AFAP1L2: variants seen among roughly 807,000 people sequenced by gnomAD.
AFAP1L2 encodes actin filament associated protein 1 like 2.
In AFAP1L2, 46 loss-of-function variants were observed where a neutral mutation model predicts 99.3. That is an observed-to-expected ratio of 0.46 (90% CI 0.37 to 0.59). The LOEUF is 0.59. AFAP1L2 is among the 20% of genes least tolerant of loss of function. AFAP1L2 has a pLI of 0.00. For synonymous variants in AFAP1L2, 397 were observed against 419.1 expected, an observed-to-expected ratio of 0.95 and a Z score of 0.64; for missense variants, 959 against 1,034.9, an observed-to-expected ratio of 0.93 and a Z score of 1.01.
intron 18 of AFAP1L2, 146 bp from the exon 19 acceptor site, chr10:114,296,214 C>A: frequency 8.9e-7 from 1 of 1,119,322 alleles, no homozygotes; most frequent in South Asian, 1.4e-5. Context: ...CCTGTGTGTT[C>A]ATCACTGCTT....
chr10:114,344,589 G>A (rs1190249842), intron 1 of AFAP1L2, among the ~76,000 whole-genome samples: 1 of 152,192 alleles, frequency 6.6e-6, no homozygotes, highest in Non-Finnish European at 1.5e-5. Context: ...GCTGGGCCTG[G>A]CCCTGGGGAA....
chr10:114,314,424 T>C (rs963025334), intron 6 of AFAP1L2, among the ~76,000 whole-genome samples: 2 of 152,216 alleles, frequency 1.3e-5, no homozygotes, highest in Non-Finnish European at 2.9e-5. Flanking sequence ...CACCTCTCTG[T>C]ATTGCTTGCT....
At chr10:114,281,732 G>A in the AFAP1L2 span, 5 of 985,388 alleles carry the variant, frequency 5.1e-6, no homozygotes, top group Non-Finnish European at 6.0e-6. Context: ...CGGGAGGCCT[G>A]GAGCCTTGCT....
At chr10:114,315,786 G>T in intron 5 of AFAP1L2, 21 bp from the exon 6 acceptor site, 1 of 1,596,016 alleles carries the variant, frequency 6.3e-7, no homozygotes, top group Non-Finnish European at 8.5e-7. Context: ...GACCAGCTCG[G>T]TCAGGGCCCC....
intron 2 of AFAP1L2, among the ~76,000 whole-genome samples, chr10:114,336,176 G>T (rs1290502317): frequency 6.6e-6 from 1 of 152,206 alleles, no homozygotes; most frequent in Non-Finnish European, 1.5e-5. Flanking sequence ...ATTCTCAGAG[G>T]GTTGTTAATC....
intron 1 of AFAP1L2, chr10:114,363,246 T>C: frequency 1.1e-6 from 1 of 898,150 alleles, no homozygotes; most frequent in Non-Finnish European, 1.3e-6. Flanking sequence ...TCTTGGATGG[T>C]CCTTGAGCCC....
chr10:114,287,894 T>C, the AFAP1L2 span, among the ~76,000 whole-genome samples: 3 of 152,266 alleles, frequency 2.0e-5, no homozygotes, highest in South Asian at 6.2e-4. Flanking sequence ...ACCTAATGTC[T>C]TTTTTGTGTT....
chr10:114,344,996 C>T (rs1198226653), intron 1 of AFAP1L2, among the ~76,000 whole-genome samples: 2 of 151,442 alleles, frequency 1.3e-5, no homozygotes, highest in Non-Finnish European at 2.9e-5. Flanking sequence ...ACCCGGGGGG[C>T]TGAGGCAGGA....
intron 1 of AFAP1L2, among the ~76,000 whole-genome samples, chr10:114,350,151 G>A (rs2050241186): frequency 6.6e-6 from 1 of 152,178 alleles, no homozygotes; most frequent in Admixed American, 6.5e-5. Context: ...TTCTCAGACA[G>A]GGCCTTTGAA....
chr10:114,368,774 AC>A (rs2053653947), intron 1 of AFAP1L2, among the ~76,000 whole-genome samples: 1 of 30,976 alleles, frequency 3.2e-5, no homozygotes, highest in South Asian at 1.6e-3. Context: ...TACAACACAC[AC>A]ACACACACAC....
At position 114,360,504 on chromosome 10, in the gene AFAP1L2, GA is replaced by G. The variant is rs1424945423; in HGVS notation, c.17-19774del. On this transcript the variant is annotated intron_variant, in intron 1 of 18. Coordinates refer to ENST00000304129, the MANE Select transcript of AFAP1L2 (RefSeq NM_001001936.3). ...CAATATCTAGATAGATAGATAGATA[GA>G]TAGTTAGATAGATAGATAGATAGAT... Among the ~76,000 whole-genome samples the G allele has an allele frequency of 3.0e-3, 374 of 123,552 alleles. 3 individuals carry two copies. Among genetic ancestry groups the G allele is most frequent in the African/African-American group, 0.012 (340 of 28,728 alleles). The allele number at this position is 123,552 out of a possible 152,430, so 81.1% of individuals were successfully genotyped here. A position where few individuals can be genotyped will look rare whatever the true frequency, so the allele number is the denominator to read the frequency against.
intron 1 of AFAP1L2, among the ~76,000 whole-genome samples, chr10:114,354,343 C>A (rs1485287760): frequency 6.6e-6 from 1 of 152,156 alleles, no homozygotes; most frequent in Non-Finnish European, 1.5e-5. Flanking sequence ...GGACAAGAAC[C>A]AATAATCAGG....
chr10:114,291,233 C>CCTGA, downstream of AFAP1L2: 1 of 1,550,398 alleles, frequency 6.4e-7, no homozygotes, highest in Non-Finnish European at 8.7e-7. Context: ...TTGAGACGCC[C>CCTGA]CTGAGGCACA....
intron 1 of AFAP1L2, among the ~76,000 whole-genome samples, chr10:114,396,279 C>A (rs1034667731): frequency 5.3e-5 from 8 of 152,108 alleles, no homozygotes; most frequent in Admixed American, 5.2e-4. Flanking sequence ...GAAGAACAGG[C>A]AAATTCAACA....
chr10:114,383,037 A>G (rs1383200132), intron 1 of AFAP1L2, among the ~76,000 whole-genome samples: 1 of 152,190 alleles, frequency 6.6e-6, no homozygotes, highest in African/African-American at 2.4e-5. Context: ...AAACACTCAC[A>G]TGTACTCCAT....
the AFAP1L2 span, chr10:114,289,103 T>C: frequency 6.2e-7 from 1 of 1,614,080 alleles, no homozygotes; most frequent in Non-Finnish European, 8.5e-7. Context: ...GGCAGCCAGG[T>C]GCAGACTGCC....
At chr10:114,284,539 G>A in the AFAP1L2 span, among the ~76,000 whole-genome samples, 2 of 152,174 alleles carry the variant, frequency 1.3e-5, no homozygotes, top group Admixed American at 6.5e-5. Flanking sequence ...CATTGGCACC[G>A]CAGCTCTCTC....
chr10:114,395,406 A>C (rs2057588918), intron 1 of AFAP1L2, among the ~76,000 whole-genome samples: 1 of 152,226 alleles, frequency 6.6e-6, no homozygotes, highest in African/African-American at 2.4e-5. Flanking sequence ...TACCGGGGAC[A>C]CGAAGCACCC....
intron 1 of AFAP1L2, among the ~76,000 whole-genome samples, chr10:114,376,515 C>T (rs1281519602): frequency 6.6e-6 from 1 of 152,156 alleles, no homozygotes. Flanking sequence ...GGGGTAGAGC[C>T]TATTCAGCTT....
Sources: allele counts gnomAD v4.1 joint callset (sites outside exome capture counted in the v4.1 genomes callset), GRCh38; gene constraint gnomAD v4.1.1; transcripts MANE v1.5; gene names NCBI Gene and HGNC (gene_info 2026-07-23, HGNC 2026-07-21).